KDM3A: variants seen among roughly 807,000 people sequenced by gnomAD.
The protein encoded by KDM3A is lysine demethylase 3A.
In KDM3A, 60 loss-of-function variants were observed where a neutral mutation model predicts 158.0. The ratio of observed to expected loss-of-function variants is 0.38; its 90% CI spans 0.31 to 0.47. The LOEUF is 0.47. KDM3A is among the 20% of genes least tolerant of loss of function. The pLI is 0.99. For missense variants in KDM3A, 1,319 were observed against 1,574.3 expected (o/e 0.84, Z 2.74); for synonymous variants, 608 against 549.3 (o/e 1.11, Z -1.49).
chr2:86,458,018 T>C (rs573520030), intron 8 of KDM3A, among the ~76,000 whole-genome samples: 257 of 152,268 alleles, frequency 1.7e-3, no homozygotes, highest in Admixed American at 3.3e-3. Flanking sequence ...ACATGGATAG[T>C]TTCCTGTGTT....
chr2:86,492,062 A>G lies in KDM3A; in HGVS notation c.3909A>G (p.Ala1303=). 1 of 1,613,304 alleles carries G rather than the reference A, an allele frequency of 6.2e-7. No individual in the cohort carries two copies. The highest frequency in any genetic ancestry group is 8.5e-7 in the Non-Finnish European group (1 of 1,179,384). ...KLQVKNVIYH[A]VKDAVAMLKA... ...AGGTGAAGAATGTTATCTACCATGC[A>G]GTGAAAGATGCAGTTGCTATGCTGA... Residue 1303 remains alanine, a synonymous_variant, in exon 26 of 26, where the codon GCA becomes GCG. Transcript: ENST00000312912.
chr2:86,449,221 A>C (rs771312086), intron 2 of KDM3A, among the ~76,000 whole-genome samples: 5 of 152,198 alleles, frequency 3.3e-5, no homozygotes, highest in African/African-American at 4.8e-5. Context: ...ACTCGTTTCT[A>C]TGTTATCCAA....
rs1198412527 is a variant in KDM3A, at chr2:86,478,216, G to C, written c.2139G>C (p.Gln713His). Residue 713 changes from glutamine to histidine, a missense_variant, in exon 14 of 26, where the codon CAG becomes CAC. Physicochemically the swap from Gln to His is conservative, Grantham distance 24. Coordinates refer to ENST00000312912, the MANE Select transcript of KDM3A (RefSeq NM_018433.6). ...CTTGGCTAAAATGTGTGAAGAGTCA[G>C]ATACATGAACCAGAGAACTTAATGC... ...TFSWLKCVKS[Q>H]IHEPENLMPT... 3.1e-6 allele frequency: 5 copies of C among 1,614,084 alleles called. No homozygotes were observed. The highest frequency in any genetic ancestry group is 4.2e-6 in the Non-Finnish European group (5 of 1,179,914).
intron 12 of KDM3A, among the ~76,000 whole-genome samples, chr2:86,477,510 C>T (rs981827260): frequency 6.6e-6 from 1 of 152,152 alleles, no homozygotes; most frequent in African/African-American, 2.4e-5. Flanking sequence ...GAAAGGGACT[C>T]ATGACTCAGA....
Position 86,466,444 on chromosome 2 carries a change from A to C in KDM3A, c.1080A>C (p.Lys360Asn). 6.2e-7 allele frequency: 1 copy of C among 1,613,854 alleles called. No homozygotes were observed. The highest frequency in any genetic ancestry group is 1.3e-5 in the African/African-American group (1 of 75,028). The change falls in exon 10 of 26, where the codon AAA (lysine) becomes AAC (asparagine). Residue 360 changes from lysine (K) to asparagine (N), a missense_variant. Physicochemically the swap from Lys to Asn is moderately conservative, Grantham distance 94. This residue lies in a region of KDM3A where 652 missense variants were observed against 627.2 expected (regional missense o/e 1.04). Transcript: ENST00000312912. Reference sequence around the variant, plus strand: ...CAAAGTCTGAAGCTCTGAGAACAAAACCAGATGTCTGCAAAGCAGGGTTGC... The same window carrying C: ...CAAAGTCTGAAGCTCTGAGAACAAACCCAGATGTCTGCAAAGCAGGGTTGC... ...LNTKSEALRT[K>N]PDVCKAGLLS...
chr2:86,471,774 C>T (rs888599647), intron 11 of KDM3A, among the ~76,000 whole-genome samples: 2 of 152,220 alleles, frequency 1.3e-5, no homozygotes, highest in Non-Finnish European at 2.9e-5. Context: ...TGCAAAAGCA[C>T]GTCATAAAGC....
At chr2:86,443,504 T>C (rs1158111785) in intron 2 of KDM3A, 1 of 152,216 alleles carries the variant, frequency 6.6e-6, no homozygotes, top group Non-Finnish European at 1.5e-5. Context: ...ACAACTATGA[T>C]CTCGTTTAAT....
intron 11 of KDM3A, among the ~76,000 whole-genome samples, chr2:86,474,213 T>A (rs1413122742): frequency 6.6e-6 from 1 of 152,194 alleles, no homozygotes; most frequent in Non-Finnish European, 1.5e-5. Context: ...AATATACCTC[T>A]CTCCCCTTCT....
In KDM3A at chr2:86,445,593, C is replaced by T. The variant is rs895209831; in HGVS notation, c.186+3360C>T. On this transcript the variant is annotated intron_variant, in intron 2 of 25. Transcript: ENST00000312912. ...GCCCCTTCTTAGTCCTTACAGGTGTCCTTAGCAGGCAATTAGTCCTTGCCA... is the reference window on the plus strand; with the variant it reads ...GCCCCTTCTTAGTCCTTACAGGTGTTCTTAGCAGGCAATTAGTCCTTGCCA... 2.6e-5 allele frequency among the ~76,000 whole-genome samples: 4 copies of T among 152,232 alleles called. No homozygotes were observed. The East Asian group carries it at 7.7e-4, about 29-fold the overall frequency.
Position 86,466,520 on chromosome 2 carries a change from C to G in KDM3A, c.1156C>G (p.Pro386Ala). 1.9e-6 allele frequency: 3 copies of G among 1,613,872 alleles called. No homozygotes were observed. The highest frequency in any genetic ancestry group is 1.7e-6 in the Non-Finnish European group (2 of 1,179,856). Residue 386 changes from proline (P) to alanine (A), a missense_variant, in exon 10 of 26, where the codon CCA (proline) becomes GCA (alanine). Around this residue, in one of 4 missense-constraint regions of KDM3A, gnomAD observed 652 missense variants for 627.2 expected, o/e 1.04. Coordinates refer to ENST00000312912, the MANE Select transcript of KDM3A (RefSeq NM_018433.6). ...GTGDLKILTE[P>A]KGSCTQPKTN... ...TGGAGACTTGAAAATTCTGACTGAGCCAAAAGGCAGCTGTACTCAGCCTAA... is the reference window on the plus strand; with the variant it reads ...TGGAGACTTGAAAATTCTGACTGAGGCAAAAGGCAGCTGTACTCAGCCTAA...
intron 10 of KDM3A, among the ~76,000 whole-genome samples, chr2:86,468,658 T>C (rs1262509973): frequency 1.3e-5 from 2 of 152,150 alleles, no homozygotes; most frequent in African/African-American, 4.8e-5. Flanking sequence ...CTGAGCTGTG[T>C]CCACTAGTAC....
At chr2:86,438,325 T>C (rs914909278), upstream of KDM3A, among the ~76,000 whole-genome samples, 1 of 152,100 alleles carries the variant, frequency 6.6e-6, no homozygotes, top group Non-Finnish European at 1.5e-5. Flanking sequence ...ATTTACCTTA[T>C]AAAATGAGAG....
At chr2:86,490,225 ATTGT>A (rs1451770923) in intron 23 of KDM3A, 5 of 152,578 alleles carry the variant, frequency 3.3e-5, no homozygotes, top group African/African-American at 4.8e-5. Context: ...CAGTTTTAAA[ATTGT>A]TTGGCACTGA....
chr2:86,478,554 GGTTGAAA>G, intron 14 of KDM3A, 47 bp from the exon 15 acceptor site: 1 of 1,593,004 alleles, frequency 6.3e-7, no homozygotes, highest in Non-Finnish European at 8.6e-7. Context: ...GTAATGTTGA[GGTTGAAA>G]GTTCCTAATA....
Position 86,482,031 on chromosome 2 carries a change from A to G in KDM3A, c.2614A>G (p.Thr872Ala), listed in dbSNP as rs760430896. Residue 872 changes from threonine to alanine, a missense_variant, in exon 17 of 26, where the codon ACA becomes GCA. By Grantham distance (58) the Thr-to-Ala change is moderately conservative (BLOSUM62 0). Coordinates refer to ENST00000312912, the MANE Select transcript of KDM3A (RefSeq NM_018433.6). ...SSTVLHTFNSTILTPVSNNNS... is the reference protein window; with the variant it reads ...SSTVLHTFNSAILTPVSNNNS... ...CACAGTCCTCCATACGTTTAACAGC[A>G]CAATTTTGACACCCGTAAGCAACAA... 4.3e-6 allele frequency: 7 copies of G among 1,614,152 alleles called. No individual in the cohort carries two copies. The highest frequency in any genetic ancestry group is 3.3e-5 in the Admixed American group (2 of 60,014).
intron 18 of KDM3A, chr2:86,483,087 G>A (rs1354358713): frequency 5.0e-6 from 1 of 199,934 alleles, no homozygotes; most frequent in African/African-American, 2.4e-5. Flanking sequence ...AGCCTGTGCT[G>A]AAGGCAGTTC....
chr2:86,465,438 C>G (rs1351314151), intron 9 of KDM3A, among the ~76,000 whole-genome samples: 1 of 151,986 alleles, frequency 6.6e-6, no homozygotes, highest in East Asian at 1.9e-4. Flanking sequence ...CTCTGTTGCC[C>G]AGGAGGGAGT....
chr2:86,447,457 T>TC (rs1235023966), intron 2 of KDM3A, among the ~76,000 whole-genome samples: 1 of 86,318 alleles, frequency 1.2e-5, no homozygotes, highest in Non-Finnish European at 2.1e-5. Context: ...AATTCTGCAC[T>TC]TTTTTTTTTT....
intron 9 of KDM3A, among the ~76,000 whole-genome samples, chr2:86,465,760 A>G (rs1024193767): frequency 8.5e-5 from 13 of 152,218 alleles, no homozygotes; most frequent in African/African-American, 2.9e-4. Context: ...AGGGATTTCT[A>G]ACATTTTTTA....
Sources: gnomAD v4.1 joint callset for allele counts (sites outside exome capture counted in the v4.1 genomes callset) on GRCh38, gnomAD v4.1.1 for gene constraint, gnomAD v4.1.1 regional missense constraint, MANE v1.5 for transcripts, NCBI Gene and HGNC (gene_info 2026-07-23, HGNC 2026-07-21) for gene names.